Variants in CFAP299 observed in about 807,000 individuals in gnomAD.
CFAP299 encodes the protein cilia- and flagella-associated protein 299.
CFAP299 carries 21 observed loss-of-function variants against 27.0 expected under a neutral mutation model. That is an observed-to-expected ratio of 0.78 (90% CI 0.55 to 1.12). The LOEUF (loss-of-function observed/expected upper bound fraction) is 1.12, where lower values mean the gene tolerates loss of function less well. Ranked by LOEUF, CFAP299 falls within the 50% of genes most tolerant of loss-of-function variation. The pLI is 0.00. For missense variants in CFAP299, 310 were observed against 276.6 expected, an observed-to-expected ratio of 1.12 and a Z score of -0.86; for synonymous variants, 104 against 98.1, an observed-to-expected ratio of 1.06 and a Z score of -0.36.
chr4:80,800,523 TAATATATTATATAATATATAATATATC>T (rs1728461402), intron 3 of CFAP299, among the ~76,000 whole-genome samples: 2 of 3,922 alleles, frequency 5.1e-4, no homozygotes, highest in African/African-American at 7.1e-4. Context: ...ATATAATATA[TAATATATTATATAATATATAATATATC>T]AATATATTAT....
At chr4:80,686,959 T>C (rs1720241461) in intron 3 of CFAP299, among the ~76,000 whole-genome samples, 1 of 152,188 alleles carries the variant, frequency 6.6e-6, no homozygotes, top group African/African-American at 2.4e-5. Flanking sequence ...AATATACCCA[T>C]ATATGTCAGT....
intron 2 of CFAP299, among the ~76,000 whole-genome samples, chr4:80,508,542 C>A (rs896509913): frequency 2.0e-5 from 3 of 152,098 alleles, no homozygotes; most frequent in Non-Finnish European, 4.4e-5. Flanking sequence ...ACTTTTTCAG[C>A]TGTAATCAGC....
At chr4:80,660,621 A>G (rs1331984547) in intron 3 of CFAP299, among the ~76,000 whole-genome samples, 1 of 152,172 alleles carries the variant, frequency 6.6e-6, no homozygotes, top group Non-Finnish European at 1.5e-5. Context: ...AAGGGTGGCG[A>G]TGGAAAACAA....
At chr4:80,827,559 C>G (rs1730052663) in intron 3 of CFAP299, among the ~76,000 whole-genome samples, 1 of 151,750 alleles carries the variant, frequency 6.6e-6, no homozygotes, top group African/African-American at 2.4e-5. Flanking sequence ...TAAAAGTAAA[C>G]CACCAACAAC....
intron 2 of CFAP299, among the ~76,000 whole-genome samples, chr4:80,385,539 A>G (rs1724927908): frequency 6.6e-6 from 1 of 151,830 alleles, no homozygotes; most frequent in Non-Finnish European, 1.5e-5. Context: ...AGGTAGTTGT[A>G]TTGTAAGCCC....
chr4:80,347,221 A>T (rs182717267), intron 1 of CFAP299, among the ~76,000 whole-genome samples: 1 of 152,302 alleles, frequency 6.6e-6, no homozygotes, highest in Admixed American at 6.5e-5. Context: ...ATCTGCAAAC[A>T]GGGACAATTT....
chr4:80,629,579 T>G (rs1739098235), intron 3 of CFAP299, among the ~76,000 whole-genome samples: 1 of 152,124 alleles, frequency 6.6e-6, no homozygotes, highest in African/African-American at 2.4e-5. Flanking sequence ...CACTTTTATC[T>G]GTCAATTTAT....
At chr4:80,683,623 T>C (rs1490345488) in intron 3 of CFAP299, among the ~76,000 whole-genome samples, 1 of 152,242 alleles carries the variant, frequency 6.6e-6, no homozygotes, top group South Asian at 2.1e-4. Context: ...TGTTTACTAC[T>C]TAACTGCTCA....
At chr4:80,860,363 C>T (rs1732243046) in intron 3 of CFAP299, among the ~76,000 whole-genome samples, 1 of 152,122 alleles carries the variant, frequency 6.6e-6, no homozygotes, top group South Asian at 2.1e-4. Flanking sequence ...TGAATTTCCT[C>T]CTGTAGCTCG....
chr4:80,607,741 A>G (rs2109912058), intron 3 of CFAP299, among the ~76,000 whole-genome samples: 1 of 152,344 alleles, frequency 6.6e-6, no homozygotes, highest in Non-Finnish European at 1.5e-5. Flanking sequence ...TTGGAAGGGC[A>G]TGATTCAGAA....
intron 3 of CFAP299, among the ~76,000 whole-genome samples, chr4:80,691,900 A>G (rs1474568616): frequency 1.3e-5 from 2 of 152,178 alleles, no homozygotes; most frequent in African/African-American, 2.4e-5. Flanking sequence ...TACACCAACA[A>G]CAGACAAACA....
chr4:80,867,631 A>G (rs1000282528), intron 3 of CFAP299, among the ~76,000 whole-genome samples: 9 of 152,166 alleles, frequency 5.9e-5, no homozygotes, highest in African/African-American at 1.9e-4. Context: ...GCAGATGGCC[A>G]TCTTCTTGCC....
At chr4:80,761,936 A>G (rs993452166) in intron 3 of CFAP299, among the ~76,000 whole-genome samples, 1 of 152,060 alleles carries the variant, frequency 6.6e-6, no homozygotes, top group Non-Finnish European at 1.5e-5. Flanking sequence ...ATTTTAGTAC[A>G]GAAATAGACA....
chr4:80,800,377 T>A (rs1420994866), intron 3 of CFAP299, among the ~76,000 whole-genome samples: 1 of 65,628 alleles, frequency 1.5e-5, no homozygotes, highest in African/African-American at 7.8e-5. Flanking sequence ...ATAATATATA[T>A]AATATATAAT....
At chr4:80,751,784 C>T (rs1243364818) in intron 3 of CFAP299, among the ~76,000 whole-genome samples, 1 of 152,168 alleles carries the variant, frequency 6.6e-6, no homozygotes, top group African/African-American at 2.4e-5. Flanking sequence ...CAGATTCCAG[C>T]CTGTTGCCAT....
At chr4:80,628,210 G>C (rs13111449) in intron 3 of CFAP299, among the ~76,000 whole-genome samples, 95,288 of 151,938 alleles carry the variant, frequency 0.63, 34,036 homozygotes, top group Non-Finnish European at 0.79. Flanking sequence ...TTTGACAGCG[G>C]TGTCAAGAGC....
At chr4:80,539,116 A>G (rs1733880845) in intron 2 of CFAP299, among the ~76,000 whole-genome samples, 1 of 152,206 alleles carries the variant, frequency 6.6e-6, no homozygotes, top group South Asian at 2.1e-4. Flanking sequence ...TTTACCTAGT[A>G]GATATATTGG....
At chr4:80,557,048 G>T (rs1182738695) in intron 2 of CFAP299, among the ~76,000 whole-genome samples, 5 of 152,006 alleles carry the variant, frequency 3.3e-5, no homozygotes, top group Non-Finnish European at 7.4e-5. Context: ...TGACCATAAG[G>T]TAAGGTTTTC....
At chr4:80,436,565 G>A (rs1728094412) in intron 2 of CFAP299, among the ~76,000 whole-genome samples, 2 of 152,154 alleles carry the variant, frequency 1.3e-5, no homozygotes, top group South Asian at 2.1e-4. Flanking sequence ...GCCTCCCAAA[G>A]TGCTGGGATT....
Sources: gnomAD v4.1 joint callset for allele counts (sites outside exome capture counted in the v4.1 genomes callset) on GRCh38, gnomAD v4.1.1 for gene constraint, MANE v1.5 for transcripts, NCBI Gene and HGNC (gene_info 2026-07-23, HGNC 2026-07-21) for gene names.